GALNT13: variants seen among roughly 807,000 people sequenced by gnomAD.
GALNT13 encodes polypeptide N-acetylgalactosaminyltransferase 13.
A neutral mutation model predicts 64.2 loss-of-function variants in GALNT13; 28 were observed. The ratio of observed to expected loss-of-function variants is 0.44; its 90% CI spans 0.32 to 0.60. The LOEUF is 0.60. Among genes scored for constraint, GALNT13 ranks in the 20% least tolerant of loss-of-function variants. GALNT13 has a pLI of 0.05. For missense variants in GALNT13, 577 were observed against 669.8 expected (o/e 0.86, Z 1.53); for synonymous variants, 214 against 224.6 (o/e 0.95, Z 0.42).
intron 9 of GALNT13, among the ~76,000 whole-genome samples, chr2:154,318,960 GAAC>G (rs1182533426): frequency 6.6e-6 from 1 of 151,936 alleles, no homozygotes; most frequent in Non-Finnish European, 1.5e-5. Context: ...ATCATCCAAT[GAAC>G]TGGTAAGTAA....
At chr2:154,134,287 T>C (rs746570991) in intron 3 of GALNT13, among the ~76,000 whole-genome samples, 5 of 152,202 alleles carry the variant, frequency 3.3e-5, no homozygotes, top group African/African-American at 4.8e-5. Context: ...GAGAGTTATC[T>C]TACCTGAAAG....
intron 9 of GALNT13, among the ~76,000 whole-genome samples, chr2:154,354,620 T>TC (rs60192217): frequency 0.26 from 20,680 of 79,060 alleles, 1,587 homozygotes; most frequent in Middle Eastern, 0.38. Flanking sequence ...AATCTCACTT[T>TC]TTTTTTTTTT....
intron 8 of GALNT13, among the ~76,000 whole-genome samples, chr2:154,293,974 G>T (rs1692782190): frequency 6.6e-6 from 1 of 152,116 alleles, no homozygotes; most frequent in African/African-American, 2.4e-5. Flanking sequence ...ATTACTATGA[G>T]CCTAATTAAT....
At chr2:154,152,819 G>A (rs1397848273) in intron 4 of GALNT13, among the ~76,000 whole-genome samples, 2 of 152,082 alleles carry the variant, frequency 1.3e-5, no homozygotes, top group African/African-American at 4.8e-5. Flanking sequence ...GGTTATTCTA[G>A]TTCTACATTT....
At chr2:153,428,313 AGG>A in the GALNT13 span, among the ~76,000 whole-genome samples, 3 of 152,074 alleles carry the variant, frequency 2.0e-5, no homozygotes, top group African/African-American at 7.2e-5. Context: ...CAGAAGGCAA[AGG>A]GGGAGCAAGT....
the GALNT13 span, among the ~76,000 whole-genome samples, chr2:153,340,251 G>T: frequency 2.0e-5 from 3 of 151,982 alleles, no homozygotes; most frequent in African/African-American, 7.2e-5. Context: ...CTATTTATTT[G>T]TATCTTCTTC....
At chr2:154,393,045 T>A (rs1335363642) in intron 9 of GALNT13, among the ~76,000 whole-genome samples, 1 of 152,186 alleles carries the variant, frequency 6.6e-6, no homozygotes, top group Non-Finnish European at 1.5e-5. Context: ...ATGAAGAACC[T>A]TGGAGATGGA....
chr2:153,803,584 C>T, the GALNT13 span, among the ~76,000 whole-genome samples: 1 of 148,720 alleles, frequency 6.7e-6, no homozygotes, highest in African/African-American at 2.5e-5. Flanking sequence ...CCCAGCTACT[C>T]GGGAGGCTGA....
the GALNT13 span, among the ~76,000 whole-genome samples, chr2:153,253,682 T>A: frequency 3.3e-5 from 5 of 150,232 alleles, no homozygotes; most frequent in South Asian, 2.1e-4. Context: ...GCATGAAGGG[T>A]TGTTGAATTT....
the GALNT13 span, among the ~76,000 whole-genome samples, chr2:153,661,435 G>A: frequency 1.1e-4 from 16 of 152,076 alleles, no homozygotes; most frequent in African/African-American, 3.6e-4. Flanking sequence ...CACCTGCCAA[G>A]GCATATCACA....
At chr2:153,545,346 A>ACTG in the GALNT13 span, among the ~76,000 whole-genome samples, 1 of 152,170 alleles carries the variant, frequency 6.6e-6, no homozygotes, top group African/African-American at 2.4e-5. Context: ...GAGGATGTGT[A>ACTG]CTGCTGCCAC....
chr2:154,023,122 A>G (rs1697656969), intron 3 of GALNT13, among the ~76,000 whole-genome samples: 1 of 152,098 alleles, frequency 6.6e-6, no homozygotes, highest in South Asian at 2.1e-4. Context: ...CTATGTGGCC[A>G]GTTTTGGAGT....
intron 8 of GALNT13, among the ~76,000 whole-genome samples, chr2:154,263,088 C>CAT (rs1437811613): frequency 3.9e-5 from 6 of 152,022 alleles, no homozygotes; most frequent in Admixed American, 2.0e-4. Context: ...CCAATCAACT[C>CAT]AGAGCATGGG....
chr2:154,031,295 T>C (rs1698320964), intron 3 of GALNT13, among the ~76,000 whole-genome samples: 1 of 151,874 alleles, frequency 6.6e-6, no homozygotes, highest in Non-Finnish European at 1.5e-5. Flanking sequence ...CCAGAGGTAA[T>C]ATGGTATCAT....
chr2:153,721,751 A>G, the GALNT13 span, among the ~76,000 whole-genome samples: 1 of 151,960 alleles, frequency 6.6e-6, no homozygotes, highest in South Asian at 2.1e-4. Context: ...CAACAAGAGG[A>G]GCTAACTATC....
the GALNT13 span, among the ~76,000 whole-genome samples, chr2:153,556,240 T>C: frequency 7.9e-5 from 12 of 152,172 alleles, no homozygotes; most frequent in Non-Finnish European, 1.5e-4. Flanking sequence ...ATTTAAAGGT[T>C]GGGCTATTTT....
chr2:154,198,075 G>A (rs900607505), intron 4 of GALNT13, among the ~76,000 whole-genome samples: 1 of 151,920 alleles, frequency 6.6e-6, no homozygotes, highest in Non-Finnish European at 1.5e-5. Flanking sequence ...AAAAACAGCA[G>A]CAGATATATA....
intron 8 of GALNT13, among the ~76,000 whole-genome samples, chr2:154,291,534 C>G (rs543990885): frequency 6.6e-6 from 1 of 152,204 alleles, no homozygotes; most frequent in Admixed American, 6.5e-5. Flanking sequence ...GGCACTCTGG[C>G]AGCCCAGAGA....
chr2:153,229,200 G>A, the GALNT13 span, among the ~76,000 whole-genome samples: 1 of 152,138 alleles, frequency 6.6e-6, no homozygotes, highest in East Asian at 1.9e-4. Flanking sequence ...GAATTTTCCA[G>A]CTTTATACCA....
Sources: allele counts gnomAD v4.1 joint callset (sites outside exome capture counted in the v4.1 genomes callset), GRCh38; gene constraint gnomAD v4.1.1; transcripts MANE v1.5; gene names NCBI Gene and HGNC (gene_info 2026-07-23, HGNC 2026-07-21).